AK7: variants seen among roughly 807,000 people sequenced by gnomAD.
AK7 encodes adenylate kinase 7.
Under a neutral mutation model 96.6 loss-of-function variants are expected in AK7, and 78 were observed. The observed-to-expected ratio is 0.81, with a 90% CI of 0.67 to 0.97. The LOEUF (loss-of-function observed/expected upper bound fraction) is 0.97, where lower values mean the gene tolerates loss of function less well. Among genes scored for constraint, AK7 ranks in the 50% least tolerant of loss-of-function variants. The pLI, the probability that AK7 is intolerant of heterozygous loss-of-function variation, is 0.00. For missense variants in AK7, 855 were observed against 887.9 expected (o/e 0.96, Z 0.47); for synonymous variants, 302 against 317.2 (o/e 0.95, Z 0.51).
intron 2 of AK7, among the ~76,000 whole-genome samples, chr14:96,401,522 A>C (rs1353046710): frequency 9.2e-5 from 14 of 152,108 alleles, no homozygotes; most frequent in Non-Finnish European, 1.9e-4. Context: ...TGCAAGGGGG[A>C]ATGCCTGGGA....
intron 16 of AK7, among the ~76,000 whole-genome samples, chr14:96,484,445 T>C (rs1895669140): frequency 6.6e-6 from 1 of 152,172 alleles, no homozygotes; most frequent in African/African-American, 2.4e-5. Context: ...GGCCATTCTC[T>C]GCTTACAACT....
intron 15 of AK7, among the ~76,000 whole-genome samples, chr14:96,479,553 G>C (rs911659446): frequency 3.3e-5 from 5 of 152,116 alleles, no homozygotes; most frequent in Middle Eastern, 3.4e-3. Flanking sequence ...TAGCTACCCA[G>C]AAGAGCAAAT....
At chr14:96,404,137 CTG>C (rs1188577737) in intron 2 of AK7, among the ~76,000 whole-genome samples, 1 of 115,970 alleles carries the variant, frequency 8.6e-6, no homozygotes, top group Non-Finnish European at 1.7e-5. Context: ...CAGAGTGAAA[CTG>C]TGTCTCAAAT....
intron 5 of AK7, among the ~76,000 whole-genome samples, chr14:96,428,040 T>G (rs1222344245): frequency 6.6e-6 from 1 of 152,180 alleles, no homozygotes; most frequent in Non-Finnish European, 1.5e-5. Flanking sequence ...TGTATACATG[T>G]CCCATGTTGG....
chr14:96,475,433 A>G (rs778756168), intron 14 of AK7, among the ~76,000 whole-genome samples: 1 of 152,162 alleles, frequency 6.6e-6, no homozygotes, highest in Non-Finnish European at 1.5e-5. Context: ...GAAAGCCAAG[A>G]CAGGCCACAG....
At chr14:96,486,417 C>A (rs936824179) in intron 16 of AK7, among the ~76,000 whole-genome samples, 2 of 152,156 alleles carry the variant, frequency 1.3e-5, no homozygotes, top group African/African-American at 4.8e-5. Flanking sequence ...TAAATTGTAA[C>A]CAATTTTGAT....
At chr14:96,462,892 C>T (rs1404105143) in intron 12 of AK7, among the ~76,000 whole-genome samples, 1 of 152,060 alleles carries the variant, frequency 6.6e-6, no homozygotes, top group East Asian at 1.9e-4. Context: ...AATCCCAGCA[C>T]TTTGGGAGGC....
rs3077780 is a variant in AK7, at chr14:96,434,422, G to GTCTC, written c.610-3381_610-3378dup. On this transcript the variant is annotated intron_variant, in intron 5 of 17. Transcript: ENST00000267584. ...AAATATACAGTCTCTCTGTCTGTCT[G>GTCTC]TCTCTCTCTCTCTCTCTCTCTCTCT... 1.8e-3 allele frequency among the ~76,000 whole-genome samples: 271 copies of GTCTC among 149,434 alleles called. 1 individual carries two copies. Among genetic ancestry groups the GTCTC allele is most frequent in the Non-Finnish European group, 2.1e-3 (139 of 67,148 alleles).
At chr14:96,435,244 C>T (rs1486969046) in intron 5 of AK7, among the ~76,000 whole-genome samples, 2 of 152,080 alleles carry the variant, frequency 1.3e-5, no homozygotes, top group Non-Finnish European at 2.9e-5. Context: ...CATCCAAGGC[C>T]CTCAACATAG....
At chr14:96,458,934 A>AAG (rs1566798646) in intron 12 of AK7, among the ~76,000 whole-genome samples, 2 of 124,988 alleles carry the variant, frequency 1.6e-5, no homozygotes, top group African/African-American at 3.0e-5. Flanking sequence ...AAAAAAAAAA[A>AAG]AAAAGGTGAA....
chr14:96,464,790 G>C (rs1368858779), intron 12 of AK7, among the ~76,000 whole-genome samples: 1 of 152,090 alleles, frequency 6.6e-6, no homozygotes, highest in African/African-American at 2.4e-5. Context: ...TATAAGTTCT[G>C]GGTCTTTAGT....
intron 8 of AK7, 83 bp from the exon 9 acceptor site, chr14:96,449,719 C>A: frequency 1.0e-6 from 1 of 999,300 alleles, no homozygotes; most frequent in Non-Finnish European, 1.5e-6. Context: ...CAGGCGTGAG[C>A]CACTGCGCCT....
At chr14:96,419,912 C>A (rs1349275855) in intron 4 of AK7, among the ~76,000 whole-genome samples, 4 of 151,296 alleles carry the variant, frequency 2.6e-5, no homozygotes, top group African/African-American at 9.7e-5. Context: ...CCTCAGCCTC[C>A]CGAGTAGCTG....
intron 3 of AK7, among the ~76,000 whole-genome samples, chr14:96,406,893 G>A (rs972720896): frequency 2.0e-5 from 3 of 152,056 alleles, no homozygotes; most frequent in African/African-American, 7.2e-5. Flanking sequence ...TGCCCAGGGT[G>A]GTCTCCAGCT....
chr14:96,404,970 C>A, intron 3 of AK7, 105 bp downstream of exon 3: 1 of 639,580 alleles, frequency 1.6e-6, no homozygotes, highest in Non-Finnish European at 2.6e-6. Flanking sequence ...TATAGAAAAA[C>A]TGGTCTGAGA....
chr14:96,452,375 T>A (rs779387143), intron 10 of AK7, among the ~76,000 whole-genome samples: 56 of 151,512 alleles, frequency 3.7e-4, no homozygotes, highest in Non-Finnish European at 6.8e-4. Context: ...CAGGCTGGAG[T>A]GCAGCAGTGT....
chr14:96,474,229 G>C (rs1219351455), intron 14 of AK7, among the ~76,000 whole-genome samples: 1 of 152,044 alleles, frequency 6.6e-6, no homozygotes, highest in Non-Finnish European at 1.5e-5. Context: ...TTCTTCTCTT[G>C]GTCCAGCACA....
intron 4 of AK7, among the ~76,000 whole-genome samples, chr14:96,416,319 A>G (rs1595386247): frequency 6.6e-6 from 1 of 151,930 alleles, no homozygotes; most frequent in African/African-American, 2.4e-5. Flanking sequence ...GCCAGGAGGC[A>G]GAGGTTGCAG....
chr14:96,463,027 C>G lies in AK7; in HGVS notation c.1357+4815C>G, dbSNP rs186891204. Among the ~76,000 whole-genome samples the G allele has an allele frequency of 2.6e-5, 4 of 152,116 alleles. No homozygotes were observed. The East Asian group carries it at 5.8e-4, about 22-fold the overall frequency. On this transcript the variant is annotated intron_variant, in intron 12 of 17. Coordinates refer to ENST00000267584, the MANE Select transcript of AK7 (RefSeq NM_152327.5). ...TGGTGGATGCCTGTAATCCCAGCTA[C>G]TCGGAAGGCTGAGGCAGGAGAATCG...
Sources: allele counts gnomAD v4.1 joint callset (sites outside exome capture counted in the v4.1 genomes callset), GRCh38; gene constraint gnomAD v4.1.1; transcripts MANE v1.5; gene names NCBI Gene and HGNC (gene_info 2026-07-23, HGNC 2026-07-21).